KCNK10: variants seen among roughly 807,000 people sequenced by gnomAD.
KCNK10 encodes potassium two pore domain channel subfamily K member 10.
A neutral mutation model predicts 47.7 loss-of-function variants in KCNK10; 25 were observed. The observed-to-expected ratio is 0.52, with a 90% confidence interval of 0.38 to 0.73. The LOEUF is 0.73. Among genes scored for constraint, KCNK10 ranks in the 30% least tolerant of loss-of-function variants. KCNK10 has a pLI of 0.00. For missense variants in KCNK10, 563 were observed against 714.5 expected (o/e 0.79, Z 2.42); for synonymous variants, 303 against 285.6 (o/e 1.06, Z -0.61).
intron 4 of KCNK10, among the ~76,000 whole-genome samples, chr14:88,223,740 G>A (rs1199156836): frequency 6.6e-6 from 1 of 152,160 alleles, no homozygotes; most frequent in Non-Finnish European, 1.5e-5. Flanking sequence ...GCACTTTCTG[G>A]TAGAAAAGTA....
chr14:88,200,253 T>C (rs371952717), intron 4 of KCNK10, among the ~76,000 whole-genome samples: 3 of 152,118 alleles, frequency 2.0e-5, no homozygotes, highest in East Asian at 1.9e-4. Flanking sequence ...AAATAAGCAT[T>C]AAGAAATCTT....
rs372677811 is a variant in KCNK10, at chr14:88,207,222, G to A, written c.682-14812C>T. Among the ~76,000 whole-genome samples, 45 of 147,406 alleles carry A rather than the reference G, an allele frequency of 3.1e-4. 1 individual carries two copies. In the South Asian group the frequency reaches 9.5e-3, roughly 31 times the overall value. On this transcript the variant is annotated intron_variant, in intron 4 of 6. Transcript: ENST00000319231. ...GATTCTCACTTTGTCGCCCAGGCCG[G>A]AGTGCAGTGGTGCAATTTCGGCTCA...
At chr14:88,321,821 G>T (rs1028020498) in intron 1 of KCNK10, among the ~76,000 whole-genome samples, 15 of 152,118 alleles carry the variant, frequency 9.9e-5, no homozygotes, top group Admixed American at 1.3e-4. Flanking sequence ...ACACACAGAG[G>T]CGTTGCCTAG....
intron 1 of KCNK10, among the ~76,000 whole-genome samples, chr14:88,270,125 C>T (rs1887366925): frequency 6.6e-6 from 1 of 151,860 alleles, no homozygotes; most frequent in African/African-American, 2.4e-5. Flanking sequence ...CCCACCCCTA[C>T]TCTAGGTCTG....
At chr14:88,217,019 T>C (rs1267776385) in intron 4 of KCNK10, among the ~76,000 whole-genome samples, 4 of 152,100 alleles carry the variant, frequency 2.6e-5, no homozygotes, top group African/African-American at 7.2e-5. Flanking sequence ...TAGCCAGGCA[T>C]GGTGGCACGC....
At chr14:88,280,745 T>G (rs1045818744) in intron 1 of KCNK10, among the ~76,000 whole-genome samples, 3 of 152,106 alleles carry the variant, frequency 2.0e-5, no homozygotes, top group Admixed American at 6.5e-5. Flanking sequence ...ACCGCCAAAA[T>G]AGACCTGCAA....
At chr14:88,299,322 C>T (rs931078536) in intron 1 of KCNK10, among the ~76,000 whole-genome samples, 1 of 152,214 alleles carries the variant, frequency 6.6e-6, no homozygotes, top group African/African-American at 2.4e-5. Flanking sequence ...TATCTAAAAG[C>T]TGCTTTACAT....
rs1884568272 is a variant in KCNK10 at position 88,186,550 on chromosome 14, C to T, written c.1012-395G>A. On this transcript the variant is annotated intron_variant, in intron 6 of 6. Coordinates refer to ENST00000319231, the MANE Select transcript of KCNK10 (RefSeq NM_138317.3). This position sits in a 1 kb window ranked among gnomAD's most constrained non-coding sequence, Gnocchi z 5.5. Reference sequence around the variant, plus strand: ...CACTTGAGTGACCATATATAGCTCACCTGAGACAAGGAAATGCACCTCACT... The same window carrying T: ...CACTTGAGTGACCATATATAGCTCATCTGAGACAAGGAAATGCACCTCACT... Among the ~76,000 whole-genome samples the T allele has an allele frequency of 6.6e-6, 1 of 152,276 alleles. No homozygotes were observed. Among genetic ancestry groups the T allele is most frequent in the South Asian group, 2.1e-4 (1 of 4,824 alleles).
intron 1 of KCNK10, among the ~76,000 whole-genome samples, chr14:88,289,775 T>C (rs1264941298): frequency 6.6e-6 from 1 of 152,240 alleles, no homozygotes; most frequent in Admixed American, 6.5e-5. Context: ...ATCCTTAAAA[T>C]GGAAATTATA....
At chr14:88,324,092 G>GC (rs1888612457), upstream of KCNK10, among the ~76,000 whole-genome samples, 1 of 152,232 alleles carries the variant, frequency 6.6e-6, no homozygotes, top group Admixed American at 6.5e-5. Context: ...AGGCACGGGG[G>GC]CCCCCGGAGG....
chr14:88,323,060 G>C lies in KCNK10; in HGVS notation c.-262C>G. The C allele has an allele frequency of 7.7e-7, 1 of 1,300,572 alleles. No homozygotes were observed. Among genetic ancestry groups the C allele is most frequent in the Non-Finnish European group, 9.8e-7 (1 of 1,018,362 alleles). 80.6% of individuals were successfully genotyped at this position (1,300,572 alleles called of 1,614,324 possible). ...GGGTAAAAGAAAAAGTAAGATCGGC[G>C]AGGGGTGGATGAAAGGATGGAGAGG... On this transcript the variant is annotated 5_prime_UTR_variant, in exon 1 of 7. Transcript: ENST00000319231.
intron 4 of KCNK10, among the ~76,000 whole-genome samples, chr14:88,216,662 A>T (rs577379375): frequency 6.6e-6 from 1 of 152,334 alleles, no homozygotes; most frequent in East Asian, 1.9e-4. Flanking sequence ...TGTGGATGTC[A>T]TATATGTAGG....
intron 4 of KCNK10, among the ~76,000 whole-genome samples, chr14:88,223,878 C>T (rs1030395236): frequency 1.6e-4 from 25 of 151,560 alleles, no homozygotes; most frequent in African/African-American, 6.1e-4. Context: ...GTCTGTACAC[C>T]CGGCTTAAAA....
upstream of KCNK10, chr14:88,326,615 C>T: frequency 1.6e-6 from 1 of 608,556 alleles, no homozygotes. Context: ...CTGCACTCGC[C>T]GGCCCCCAGC....
At chr14:88,296,962 T>C (rs1887997819) in intron 1 of KCNK10, among the ~76,000 whole-genome samples, 1 of 152,236 alleles carries the variant, frequency 6.6e-6, no homozygotes, top group Non-Finnish European at 1.5e-5. Flanking sequence ...CCAATTAAAT[T>C]ATGACATATT....
At chr14:88,311,528 C>T (rs934615730) in intron 1 of KCNK10, among the ~76,000 whole-genome samples, 1 of 152,032 alleles carries the variant, frequency 6.6e-6, no homozygotes, top group African/African-American at 2.4e-5. Context: ...TAAAACACAT[C>T]TAAAAAAATC....
Position 88,256,920 on chromosome 14 carries a change from G to A in KCNK10, c.402+6282C>T, listed in dbSNP as rs948079991. 2.6e-5 allele frequency among the ~76,000 whole-genome samples: 4 copies of A among 152,244 alleles called. No individual in the cohort carries two copies. In the South Asian group the frequency reaches 8.3e-4, roughly 32 times the overall value. ...CCGTGATCGCAATCTCCATTTCACA[G>A]AAGAGCAGTGAGGCCGGGGCAACAT... On this transcript the variant is annotated intron_variant, in intron 2 of 6. Transcript: ENST00000319231.
chr14:88,250,177 T>G (rs1886755128), intron 2 of KCNK10, among the ~76,000 whole-genome samples: 1 of 152,154 alleles, frequency 6.6e-6, no homozygotes, highest in Admixed American at 6.5e-5. Flanking sequence ...CATGCCAATT[T>G]CCATTACCTC....
intron 1 of KCNK10, among the ~76,000 whole-genome samples, chr14:88,273,740 CA>C (rs1345020972): frequency 1.3e-5 from 2 of 152,212 alleles, no homozygotes; most frequent in Non-Finnish European, 2.9e-5. Context: ...TAAAGGTGCA[CA>C]CAGCCACAGC....
Sources: allele counts gnomAD v4.1 joint callset (sites outside exome capture counted in the v4.1 genomes callset), GRCh38; gene constraint gnomAD v4.1.1; non-coding constraint Gnocchi (gnomAD v3.1); transcripts MANE v1.5; gene names NCBI Gene and HGNC (gene_info 2026-07-23, HGNC 2026-07-21).